TOLLIP: variants seen among roughly 807,000 people sequenced by gnomAD.
TOLLIP encodes the protein toll-interacting protein.
A neutral mutation model predicts 33.5 loss-of-function variants in TOLLIP; 16 were observed. The observed-to-expected ratio is 0.48, with a 90% CI of 0.32 to 0.72. TOLLIP has a LOEUF of 0.72. Ranked by LOEUF, TOLLIP falls within the 30% of genes least tolerant of loss-of-function variation. The pLI is 0.03. For missense variants in TOLLIP, 325 were observed against 396.6 expected, an observed-to-expected ratio of 0.82 and a Z score of 1.53; for synonymous variants, 176 against 163.7, an observed-to-expected ratio of 1.07 and a Z score of -0.57.
rs1007319854 is a variant in TOLLIP at position 1,274,691 on chromosome 11, G to C, written c.*2348C>G. ...GACCGCTGCCACGGAGCTGGCGATC[G>C]GCCTGCATCTTCAAACCCAGGAGCA... On this transcript the variant is annotated 3_prime_UTR_variant, in exon 6 of 6. Coordinates refer to ENST00000317204, the MANE Select transcript of TOLLIP (RefSeq NM_019009.4). 1 of 152,278 alleles carries C rather than the reference G, an allele frequency of 6.6e-6. No homozygotes were observed. Among genetic ancestry groups the C allele is most frequent in the Non-Finnish European group, 1.5e-5 (1 of 68,070 alleles). 9.4% of individuals were successfully genotyped at this position (152,278 alleles called of 1,614,324 possible).
Position 1,279,153 on chromosome 11 carries a change from T to C in TOLLIP, c.611-1900A>G, listed in dbSNP as rs148775939. On this transcript the variant is annotated intron_variant, in intron 5 of 5. Transcript: ENST00000317204. ...CGCTGCGACGTCACGGCCTGGGGTGTCCCGAGAAACCTGCTCTGCTGACAA... is the reference window on the plus strand; with the variant it reads ...CGCTGCGACGTCACGGCCTGGGGTGCCCCGAGAAACCTGCTCTGCTGACAA... 2.2e-3 allele frequency among the ~76,000 whole-genome samples: 335 copies of C among 152,296 alleles called. 5 individuals are homozygous for C. Among genetic ancestry groups the C allele is most frequent in the African/African-American group, 7.7e-3 (318 of 41,554 alleles).
chr11:1,308,924 C>T lies in TOLLIP; in HGVS notation c.33+542G>A, dbSNP rs374555515. Among the ~76,000 whole-genome samples, 3 of 119,524 alleles carry T rather than the reference C, an allele frequency of 2.5e-5. No homozygotes were observed. In the South Asian group the frequency reaches 8.0e-4, roughly 32 times the overall value. 78.4% of individuals were successfully genotyped at this position (119,524 alleles called of 152,430 possible). The stretch of plus-strand genomic sequence containing the variant: ...GCGGGGCCCGCCTCCATCTAGGGTG[C>T]CATCAGGGTGCGGGACCCGCCTCCA... On this transcript the variant is annotated intron_variant, in intron 1 of 5. Transcript: ENST00000317204.
intron 4 of TOLLIP, among the ~76,000 whole-genome samples, chr11:1,288,309 G>A (rs752716243): frequency 1.1e-4 from 17 of 152,228 alleles, no homozygotes; most frequent in Non-Finnish European, 1.5e-4. Context: ...AGCTTGGAAG[G>A]GCTGTGGGGG....
chr11:1,309,141 C>G (rs1041462002), intron 1 of TOLLIP, among the ~76,000 whole-genome samples: 2 of 151,688 alleles, frequency 1.3e-5, no homozygotes, highest in African/African-American at 4.8e-5. Flanking sequence ...GCCTGCCTCC[C>G]TCTGGGGCAC....
chr11:1,291,468 C>T (rs1051311904), intron 2 of TOLLIP, among the ~76,000 whole-genome samples: 2 of 147,524 alleles, frequency 1.4e-5, no homozygotes, highest in Non-Finnish European at 3.0e-5. Context: ...TCTGAGGGAA[C>T]GGCCAACCTG....
In TOLLIP at chr11:1,290,347, G is replaced by C; in HGVS notation, c.246C>G (p.Gly82=). The C allele has an allele frequency of 6.2e-7, 1 of 1,613,572 alleles. No individual in the cohort carries two copies. Among genetic ancestry groups the C allele is most frequent in the Non-Finnish European group, 8.5e-7 (1 of 1,179,982 alleles). ...RMDPYCRLRL[G]YAVYETPTAH... ...CCGTGGGCGTCTCGTACACCGCGTA[G>C]CCCAGGCGCAGTCGGCAGTAGGGGT... The change falls in exon 3 of 6, where the codon GGC becomes GGG. Residue 82 remains glycine, a synonymous_variant. Transcript: ENST00000317204. This position sits in a 1 kb window ranked among gnomAD's most constrained non-coding sequence, Gnocchi z 4.9.
intron 4 of TOLLIP, among the ~76,000 whole-genome samples, chr11:1,287,890 C>CCTGCTGCACCCTCT (rs1357686118): frequency 2.2e-5 from 3 of 136,096 alleles, no homozygotes; most frequent in Non-Finnish European, 4.6e-5. Context: ...CTGCACCCTC[C>CCTGCTGCACCCTCT]CTGCTGCACC....
chr11:1,282,558 T>C (rs1170503636), intron 5 of TOLLIP, among the ~76,000 whole-genome samples: 1 of 151,984 alleles, frequency 6.6e-6, no homozygotes, highest in Non-Finnish European at 1.5e-5. Context: ...CACACCAACA[T>C]GGCACACGGA....
In TOLLIP at chr11:1,285,786, AAAC is replaced by A. The variant is rs112084278; in HGVS notation, c.610+213_610+215del. 1.1e-4 allele frequency among the ~76,000 whole-genome samples: 17 copies of A among 152,270 alleles called. 1 individual carries two copies. The highest frequency in any genetic ancestry group is 2.1e-4 in the Non-Finnish European group (14 of 68,000). The stretch of plus-strand genomic sequence containing the variant: ...GCCAACAATTAGAAAAAAAAAAAAA[AAAC>A]AATTCTATTTTCTAGATATGCAAAC... On this transcript the variant is annotated intron_variant, in intron 5 of 5. Transcript: ENST00000317204.
chr11:1,276,759 G>T lies in TOLLIP; in HGVS notation c.*280C>A, dbSNP rs773105923. ...CTCTCTACAGCAAGAGCATTTTCCA[G>T]AACGGCATGAGAAGGAGAGACGCAC... On this transcript the variant is annotated 3_prime_UTR_variant, in exon 6 of 6. Transcript: ENST00000317204. 1 of 1,491,526 alleles carries T rather than the reference G, an allele frequency of 6.7e-7. No homozygotes were observed. The highest frequency in any genetic ancestry group is 1.2e-5 in the South Asian group (1 of 82,832). 92.4% of individuals were successfully genotyped at this position (1,491,526 alleles called of 1,614,324 possible). A position where few individuals can be genotyped will look rare whatever the true frequency, so the allele number is the denominator to read the frequency against.
chr11:1,277,131 C>T lies in TOLLIP; in HGVS notation c.733G>A (p.Asp245Asn), dbSNP rs780158081. 9 of 1,614,082 alleles carry T rather than the reference C, an allele frequency of 5.6e-6. No individual in the cohort carries two copies. Among genetic ancestry groups the T allele is most frequent in the Non-Finnish European group, 7.6e-6 (9 of 1,179,978 alleles). ...AGCACGGAGCGGATCACCTCCTGGT[C>T]CATGTTGGGGAACATGTCCTGGATG... is the stretch of plus-strand genomic sequence containing the variant. ...KAIQDMFPNM[D>N]QEVIRSVLEA... Residue 245 changes from aspartate (D) to asparagine (N), a missense_variant, in exon 6 of 6, where the codon GAC (aspartate) becomes AAC (asparagine). Transcript: ENST00000317204. The surrounding 1 kb of genome is among the most constrained non-coding windows in gnomAD (Gnocchi z 4.2).
At chr11:1,282,312 A>G (rs1379880704) in intron 5 of TOLLIP, among the ~76,000 whole-genome samples, 1 of 152,252 alleles carries the variant, frequency 6.6e-6, no homozygotes, top group East Asian at 1.9e-4. Flanking sequence ...TAACATTCAT[A>G]AGGGATTCTG....
intron 4 of TOLLIP, 114 bp downstream of exon 4, chr11:1,288,510 T>C: frequency 7.6e-7 from 1 of 1,318,660 alleles, no homozygotes; most frequent in South Asian, 1.5e-5. Flanking sequence ...AGCCCTGCTG[T>C]TTTATGGGCT....
intron 5 of TOLLIP, among the ~76,000 whole-genome samples, chr11:1,283,014 G>C (rs1156346634): frequency 6.6e-6 from 1 of 152,234 alleles, no homozygotes. Context: ...CTCAGGGGCT[G>C]ACAAGGGCGG....
chr11:1,292,155 C>G (rs1015591268), intron 2 of TOLLIP: 1 of 152,272 alleles, frequency 6.6e-6, no homozygotes, highest in East Asian at 1.9e-4. Flanking sequence ...CCTCTAGCAG[C>G]TTCCAATTCC....
chr11:1,282,543 T>C (rs1453803677), intron 5 of TOLLIP, among the ~76,000 whole-genome samples: 1 of 152,012 alleles, frequency 6.6e-6, no homozygotes, highest in African/African-American at 2.4e-5. Flanking sequence ...AGTCAATGGG[T>C]CCGGCACACC....
intron 3 of TOLLIP, among the ~76,000 whole-genome samples, chr11:1,289,206 C>G (rs1299709561): frequency 6.6e-6 from 1 of 152,182 alleles, no homozygotes; most frequent in Non-Finnish European, 1.5e-5. Context: ...ACAGCTGACT[C>G]TGCACTTCCC....
Position 1,276,687 on chromosome 11 carries a change from A to G in TOLLIP, c.*352T>C. ...TCACATCACAAAATGCCATGAATGG[A>G]ATCGGAAGGCGCTCCACCACCTCCA... On this transcript the variant is annotated 3_prime_UTR_variant, in exon 6 of 6. Coordinates refer to ENST00000317204, the MANE Select transcript of TOLLIP (RefSeq NM_019009.4). 7.2e-7 allele frequency: 1 copy of G among 1,385,832 alleles called. No homozygotes were observed. The highest frequency in any genetic ancestry group is 9.5e-7 in the Non-Finnish European group (1 of 1,051,088). The allele number at this position is 1,385,832 out of a possible 1,614,324, so 85.8% of individuals were successfully genotyped here.
chr11:1,308,012 G>A (rs5743860), intron 1 of TOLLIP, among the ~76,000 whole-genome samples: 3 of 152,318 alleles, frequency 2.0e-5, no homozygotes, highest in South Asian at 2.1e-4. Context: ...ACTGGGCTGC[G>A]CGAGGGCAGG....
Sources: gnomAD v4.1 joint callset for allele counts (sites outside exome capture counted in the v4.1 genomes callset) on GRCh38, gnomAD v4.1.1 for gene constraint, Gnocchi (gnomAD v3.1) non-coding constraint, MANE v1.5 for transcripts, NCBI Gene and HGNC (gene_info 2026-07-23, HGNC 2026-07-21) for gene names.